Variants in DPF3 observed in about 807,000 individuals in gnomAD.
DPF3 encodes zinc finger protein DPF3.
Under a neutral mutation model 56.8 loss-of-function variants are expected in DPF3, and 18 were observed. The observed-to-expected ratio is 0.32, with a 90% CI of 0.22 to 0.47. DPF3 has a LOEUF of 0.47. DPF3 is among the 20% of genes least tolerant of loss of function. DPF3 has a pLI of 1.00. For missense variants in DPF3, 403 were observed against 488.8 expected (o/e 0.82, Z 1.65); for synonymous variants, 188 against 180.2 (o/e 1.04, Z -0.35).
intron 1 of DPF3, among the ~76,000 whole-genome samples, chr14:72,822,847 C>T (rs1883614786): frequency 6.6e-6 from 1 of 152,058 alleles, no homozygotes; most frequent in South Asian, 2.1e-4. Flanking sequence ...ATGTTGAAGT[C>T]CTAACCCCCC....
intron 1 of DPF3, among the ~76,000 whole-genome samples, chr14:72,787,255 A>C (rs1029453930): frequency 6.6e-6 from 1 of 152,232 alleles, no homozygotes; most frequent in Admixed American, 6.5e-5. Context: ...CTATGCCATC[A>C]TTCTATCATC....
At chr14:72,777,282 T>C (rs1891782030) in intron 1 of DPF3, among the ~76,000 whole-genome samples, 2 of 152,224 alleles carry the variant, frequency 1.3e-5, no homozygotes, top group South Asian at 4.1e-4. Flanking sequence ...TTTAAACATG[T>C]TTAACTCAAA....
chr14:72,796,833 G>A (rs567002740), intron 1 of DPF3, among the ~76,000 whole-genome samples: 4 of 152,198 alleles, frequency 2.6e-5, no homozygotes, highest in South Asian at 4.2e-4. Flanking sequence ...TGGAATCACC[G>A]CAGACGATTT....
Position 72,614,542 on chromosome 14 carries a change from T to C in DPF3, c.*4755A>G, listed in dbSNP as rs1453043478. Among the ~76,000 whole-genome samples, 1 of 151,992 alleles carries C rather than the reference T, an allele frequency of 6.6e-6. No homozygotes were observed. The highest frequency in any genetic ancestry group is 1.5e-5 in the Non-Finnish European group (1 of 67,986). On this transcript the variant is annotated 3_prime_UTR_variant, in exon 11 of 11. Transcript: ENST00000556509. ...GCCTGACCCCTCTGGTAGCAGTGCCTGGAAATGCTTCACTCCCCAAGGCTG... is the reference window on the plus strand; with the variant it reads ...GCCTGACCCCTCTGGTAGCAGTGCCCGGAAATGCTTCACTCCCCAAGGCTG...
intron 2 of DPF3, among the ~76,000 whole-genome samples, chr14:72,756,861 A>AAGGAAGG (rs1567222912): frequency 4.8e-5 from 6 of 124,820 alleles, no homozygotes; most frequent in African/African-American, 1.7e-4. Flanking sequence ...AGAAAGAAAG[A>AAGGAAGG]AAGAAAGAAA....
In DPF3 at chr14:72,619,216, T is replaced by C. The variant is rs1447377832; in HGVS notation, c.*81A>G. On this transcript the variant is annotated 3_prime_UTR_variant, in exon 11 of 11. Transcript: ENST00000556509. ...CTTGCAGTTGGTCTGGCTGGATATG[T>C]GGGAGGAGGGCGCGTTCTGGTTTGA... is the stretch of plus-strand genomic sequence containing the variant. 42 of 1,379,772 alleles carry C rather than the reference T, an allele frequency of 3.0e-5. No homozygotes were observed. Among genetic ancestry groups the C allele is most frequent in the East Asian group, 2.5e-4 (10 of 39,834 alleles). 85.5% of individuals were successfully genotyped at this position (1,379,772 alleles called of 1,614,324 possible).
intron 8 of DPF3, among the ~76,000 whole-genome samples, chr14:72,646,689 C>T (rs1885736070): frequency 6.6e-6 from 1 of 152,212 alleles, no homozygotes; most frequent in Non-Finnish European, 1.5e-5. Context: ...CTCTTTTGCC[C>T]TCCTTGCCTC....
intron 1 of DPF3, among the ~76,000 whole-genome samples, chr14:72,784,293 C>G (rs1892118389): frequency 6.6e-6 from 1 of 152,238 alleles, no homozygotes; most frequent in South Asian, 2.1e-4. Flanking sequence ...CTTAAGTTGC[C>G]TGGTGGTGGA....
chr14:72,872,858 T>A (rs1885958206), intron 1 of DPF3, among the ~76,000 whole-genome samples: 1 of 152,026 alleles, frequency 6.6e-6, no homozygotes, highest in Non-Finnish European at 1.5e-5. Context: ...CTGGGAAAAC[T>A]GGCTAGCCAT....
At position 72,863,397 on chromosome 14, in the gene DPF3, G is replaced by A. The variant is rs1355640932; in HGVS notation, c.32+30660C>T. Among the ~76,000 whole-genome samples, 5 of 151,924 alleles carry A rather than the reference G, an allele frequency of 3.3e-5. No homozygotes were observed. In the East Asian group the frequency reaches 9.7e-4, roughly 29 times the overall value. ...TTACCACCCACAAGTTTCAGGGGAA[G>A]AGAAGATTACCGAGAAAGGGAAGAG... On this transcript the variant is annotated intron_variant, in intron 1 of 10. Transcript: ENST00000556509.
At chr14:72,800,377 AATGGATGGATGGATGGATGGATGG>A in intron 1 of DPF3, among the ~76,000 whole-genome samples, 1 of 18,108 alleles carries the variant, frequency 5.5e-5, no homozygotes, top group African/African-American at 6.2e-5. Context: ...TAAATAGATA[AATGGATGGATGGATGGATGGATGG>A]ATGGATGGAT....
At chr14:72,647,380 T>G (rs1314177159) in intron 8 of DPF3, among the ~76,000 whole-genome samples, 1 of 152,168 alleles carries the variant, frequency 6.6e-6, no homozygotes, top group Admixed American at 6.5e-5. Flanking sequence ...CTGGCCTGTA[T>G]CCAGGCACAA....
chr14:72,711,963 T>C (rs541373662), intron 6 of DPF3, among the ~76,000 whole-genome samples: 1 of 152,036 alleles, frequency 6.6e-6, no homozygotes, highest in African/African-American at 2.4e-5. Flanking sequence ...AAAGGTCATT[T>C]CTATCCCAAA....
At chr14:72,631,653 G>A (rs2526923) in intron 8 of DPF3, among the ~76,000 whole-genome samples, 1 of 152,024 alleles carries the variant, frequency 6.6e-6, no homozygotes, top group East Asian at 1.9e-4. Context: ...ATTAACTTAC[G>A]AAGTACTTAT....
At chr14:72,804,994 T>C (rs923892343) in intron 1 of DPF3, among the ~76,000 whole-genome samples, 1 of 151,178 alleles carries the variant, frequency 6.6e-6, no homozygotes, top group Non-Finnish European at 1.5e-5. Context: ...CAGTAGTCAC[T>C]TTCCTCTCGG....
intron 1 of DPF3, among the ~76,000 whole-genome samples, chr14:72,833,026 G>T (rs751771553): frequency 6.6e-6 from 1 of 152,224 alleles, no homozygotes; most frequent in South Asian, 2.1e-4. Context: ...AAAGGAGTTG[G>T]AAGTTTATCC....
intron 7 of DPF3, among the ~76,000 whole-genome samples, chr14:72,692,476 C>G (rs1351790441): frequency 3.3e-5 from 5 of 152,210 alleles, no homozygotes; most frequent in African/African-American, 1.2e-4. Flanking sequence ...TCTTCAGGAT[C>G]ATTTTGGGTC....
In DPF3 at chr14:72,747,711, C is replaced by T. The variant is rs149452513; in HGVS notation, c.301+5553G>A. On this transcript the variant is annotated intron_variant, in intron 3 of 10. Coordinates refer to ENST00000556509, the MANE Select transcript of DPF3 (RefSeq NM_001280542.3). ...CATCTTGTAGCTCCCATAATTCCCA[C>T]GTGGGAGGGACCCAGTGGGAGATGA... Among the ~76,000 whole-genome samples, 593 of 152,006 alleles carry T rather than the reference C, an allele frequency of 3.9e-3. 6 individuals are homozygous for T. The highest frequency in any genetic ancestry group is 0.014 in the African/African-American group (561 of 41,444).
rs1305445093 is a variant in DPF3, at chr14:72,618,737, T to C, written c.*560A>G. Among the ~76,000 whole-genome samples, 1 of 152,126 alleles carries C rather than the reference T, an allele frequency of 6.6e-6. No homozygotes were observed. Among genetic ancestry groups the C allele is most frequent in the African/African-American group, 2.4e-5 (1 of 41,410 alleles). ...GCTGGGGTTCTAGAAGGCAACTCTT[T>C]GTCTCCACAGACACCAAGGAACAAG... On this transcript the variant is annotated 3_prime_UTR_variant, in exon 11 of 11. Coordinates refer to ENST00000556509, the MANE Select transcript of DPF3 (RefSeq NM_001280542.3).
Sources: gnomAD v4.1 joint callset for allele counts (sites outside exome capture counted in the v4.1 genomes callset) on GRCh38, gnomAD v4.1.1 for gene constraint, MANE v1.5 for transcripts, NCBI Gene and HGNC (gene_info 2026-07-23, HGNC 2026-07-21) for gene names.